The following TNRC6B variants were observed in gnomAD, a reference collection of about 807,000 sequenced individuals.
TNRC6B encodes trinucleotide repeat containing adaptor 6B, also known as trinucleotide repeat-containing gene 6B protein.
TNRC6B carries 52 observed loss-of-function variants against 203.6 expected under a neutral mutation model. That is an observed-to-expected ratio of 0.26 (90% CI 0.20 to 0.32). The LOEUF is 0.32. Among genes scored for constraint, TNRC6B ranks in the 10% least tolerant of loss-of-function variants. The pLI, the probability that TNRC6B is intolerant of heterozygous loss-of-function variation, is 1.00. For missense variants in TNRC6B, 1,923 were observed against 2,286.2 expected (o/e 0.84, Z 3.24); for synonymous variants, 838 against 845.7 (o/e 0.99, Z 0.16).
At chr22:40,075,364 G>A (rs969784360) in intron 1 of TNRC6B, among the ~76,000 whole-genome samples, 1 of 150,868 alleles carries the variant, frequency 6.6e-6, no homozygotes, top group Admixed American at 6.6e-5. Flanking sequence ...AATGAATTTA[G>A]CCCTTTGTAA....
chr22:40,210,488 T>C (rs2069546629), intron 1 of TNRC6B, among the ~76,000 whole-genome samples: 1 of 152,242 alleles, frequency 6.6e-6, no homozygotes, highest in Admixed American at 6.5e-5. Context: ...GGAGTTTGTA[T>C]ATCAGTTTCT....
chr22:40,060,009 A>C (rs557127269), intron 1 of TNRC6B, among the ~76,000 whole-genome samples: 1 of 151,656 alleles, frequency 6.6e-6, no homozygotes, highest in African/African-American at 2.4e-5. Flanking sequence ...TTTTTAGTAG[A>C]GATGGGACGG....
chr22:40,057,811 T>C (rs980549932), intron 1 of TNRC6B, among the ~76,000 whole-genome samples: 6 of 152,160 alleles, frequency 3.9e-5, no homozygotes, highest in Non-Finnish European at 5.9e-5. Context: ...GCTAAATGTC[T>C]TTCTCCTGTG....
At chr22:40,312,795 T>TA (rs1949534012) in intron 18 of TNRC6B, 107 bp from the exon 19 acceptor site, 5 of 1,467,896 alleles carry the variant, frequency 3.4e-6, no homozygotes, top group Non-Finnish European at 4.7e-6. Flanking sequence ...TTGTTAGACA[T>TA]ATTTTGTCCT....
In TNRC6B at chr22:40,273,471, C is replaced by T. The variant is rs745853715; in HGVS notation, c.3012C>T (p.Val1004=). The stretch of plus-strand genomic sequence containing the variant: ...GCTGGGGGGAGAGTGACGGGCCAGT[C>T]ACAGGAGCTCGCCATCCCAGCTGGG... ...QDGWGESDGP[V]TGARHPSWEE... Residue 1004 remains valine, a synonymous_variant, in exon 7 of 23, where the codon GTC becomes GTT. Transcript: ENST00000454349. 6.2e-7 allele frequency: 1 copy of T among 1,609,842 alleles called. No homozygotes were observed. Among genetic ancestry groups the T allele is most frequent in the East Asian group, 2.2e-5 (1 of 44,764 alleles).
At chr22:40,141,287 C>A (rs982544483) in intron 3 of TNRC6B, among the ~76,000 whole-genome samples, 3 of 142,758 alleles carry the variant, frequency 2.1e-5, no homozygotes, top group Admixed American at 7.8e-5. Flanking sequence ...CTCACTGCAA[C>A]CTCCACCTCC....
rs976158483 is a variant in TNRC6B, at chr22:40,142,870, A to C, written c.46-13245A>C. Among the ~76,000 whole-genome samples, 7 of 152,210 alleles carry C rather than the reference A, an allele frequency of 4.6e-5. No homozygotes were observed. The East Asian group carries it at 1.3e-3, about 29-fold the overall frequency. ...GAAAAGGTGCTGGAGGAACTGGATA[A>C]CCACATGGAAATGTATGAACCATGA... On this transcript the variant is annotated intron_variant, in intron 3 of 23. Coordinates refer to the TNRC6B transcript ENST00000301923.
intron 1 of TNRC6B, among the ~76,000 whole-genome samples, chr22:40,237,696 C>T (rs780659493): frequency 2.0e-5 from 3 of 152,142 alleles, no homozygotes; most frequent in African/African-American, 4.8e-5. Context: ...TTACTCTTCT[C>T]TTGGCCTGGT....
chr22:40,226,838 G>C (rs919836396), intron 1 of TNRC6B, among the ~76,000 whole-genome samples: 1 of 152,200 alleles, frequency 6.6e-6, no homozygotes, highest in South Asian at 2.1e-4. Flanking sequence ...CCCAGAGCCT[G>C]AGGGGAGGGG....
rs1011981538 is a variant in TNRC6B, at chr22:40,324,886, T to C, written c.*1645T>C. 6 of 152,370 alleles carry C rather than the reference T, an allele frequency of 3.9e-5. No individual in the cohort carries two copies. Among genetic ancestry groups the C allele is most frequent in the Non-Finnish European group, 8.8e-5 (6 of 67,980 alleles). 9.4% of individuals were successfully genotyped at this position (152,370 alleles called of 1,614,324 possible). ...ACTTTTTTTTTTTTTTAAGCATCAA[T>C]GTAGTAGTACTCTGGGCCGAACAGG... On this transcript the variant is annotated 3_prime_UTR_variant, in exon 23 of 23. Transcript: ENST00000454349.
At chr22:40,090,983 G>GT (rs896141793) in intron 1 of TNRC6B, among the ~76,000 whole-genome samples, 7 of 152,048 alleles carry the variant, frequency 4.6e-5, no homozygotes, top group East Asian at 1.9e-4. Context: ...TACCAATAAA[G>GT]TTTTTTTTAT....
At chr22:40,224,421 C>A (rs924051082) in intron 1 of TNRC6B, among the ~76,000 whole-genome samples, 3 of 152,088 alleles carry the variant, frequency 2.0e-5, no homozygotes, top group African/African-American at 7.2e-5. Flanking sequence ...ACCCATTTTT[C>A]TTTTGTATTG....
Position 40,159,494 on chromosome 22 carries a change from C to T in TNRC6B, c.113+3312C>T, listed in dbSNP as rs572803944. ...CTCTAGTAAAAATACAAAAAATTAGCCATGCATGGTGGCGGGCGCCTGTAG... is the reference window on the plus strand; with the variant it reads ...CTCTAGTAAAAATACAAAAAATTAGTCATGCATGGTGGCGGGCGCCTGTAG... On this transcript the variant is annotated intron_variant, in intron 4 of 23. Transcript: ENST00000301923. Among the ~76,000 whole-genome samples, 57 of 151,348 alleles carry T rather than the reference C, an allele frequency of 3.8e-4. 3 individuals carry two copies. In the South Asian group the frequency reaches 0.011, roughly 28 times the overall value.
At chr22:40,154,895 A>C in intron 3 of TNRC6B, among the ~76,000 whole-genome samples, 1 of 37,874 alleles carries the variant, frequency 2.6e-5, no homozygotes, top group South Asian at 1.0e-3. Context: ...ATATATATAT[A>C]CATATATATA....
intron 1 of TNRC6B, among the ~76,000 whole-genome samples, chr22:40,216,780 A>G (rs1465786578): frequency 2.0e-5 from 3 of 152,252 alleles, no homozygotes; most frequent in African/African-American, 7.2e-5. Flanking sequence ...AATGTATGTT[A>G]GGTTGCTGCC....
Position 40,267,003 on chromosome 22 carries a change from C to G in TNRC6B, c.2773C>G (p.Leu925Val), listed in dbSNP as rs767978575. 3.7e-6 allele frequency: 6 copies of G among 1,608,686 alleles called. No individual in the cohort carries two copies. In the South Asian group the frequency reaches 4.4e-5, roughly 12 times the overall value. Residue 925 changes from leucine (L) to valine (V), a missense_variant, in exon 5 of 23, where the codon CTG (leucine) becomes GTG (valine). By Grantham distance (32) the Leu-to-Val change is conservative. Transcript: ENST00000454349. The part of the protein sequence containing the change: ...QGGPAPREPN[L>V]PTPMTSKSAS... ...GGGCCCAGCACCTCGAGAACCAAAC[C>G]TGCCCACCCCAATGACCAGTAAATC... is the stretch of plus-strand genomic sequence containing the variant.
chr22:40,265,735 T>G lies in TNRC6B; in HGVS notation c.1505T>G (p.Met502Arg). The change falls in exon 5 of 23, where the codon ATG becomes AGG. Residue 502 changes from methionine to arginine, a missense_variant. This residue lies in a region of TNRC6B where 614 missense variants were observed against 587.7 expected (regional missense o/e 1.04). Coordinates refer to ENST00000454349, the MANE Select transcript of TNRC6B (RefSeq NM_001162501.2). Reference sequence around the variant, plus strand: ...AACAAATGGGGTGAAGGGAACAAAATGACATCTGGGGTCTCTCAGGGAGAA... The same window carrying G: ...AACAAATGGGGTGAAGGGAACAAAAGGACATCTGGGGTCTCTCAGGGAGAA... The part of the protein sequence containing the change: ...NDNKWGEGNK[M>R]TSGVSQGEWK... The G allele has an allele frequency of 6.2e-7, 1 of 1,613,858 alleles. No individual in the cohort carries two copies. The highest frequency in any genetic ancestry group is 8.5e-7 in the Non-Finnish European group (1 of 1,179,858).
intron 1 of TNRC6B, among the ~76,000 whole-genome samples, chr22:40,232,852 C>T (rs182269213): frequency 2.8e-4 from 42 of 152,058 alleles, no homozygotes; most frequent in Non-Finnish European, 5.7e-4. Context: ...GTCGCTACTA[C>T]AAAAATTAGC....
chr22:40,117,501 G>T (rs924341613), intron 2 of TNRC6B, among the ~76,000 whole-genome samples: 4 of 152,184 alleles, frequency 2.6e-5, no homozygotes, highest in Non-Finnish European at 2.9e-5. Context: ...TCATGCCTTT[G>T]CTTAAACAGC....
Sources: gnomAD v4.1 joint callset for allele counts (sites outside exome capture counted in the v4.1 genomes callset) on GRCh38, gnomAD v4.1.1 for gene constraint, gnomAD v4.1.1 regional missense constraint, MANE v1.5 for transcripts, NCBI Gene and HGNC (gene_info 2026-07-23, HGNC 2026-07-21) for gene names.